IL26: variants seen among roughly 807,000 people sequenced by gnomAD.
IL26 encodes interleukin 26.
IL26 carries 23 observed loss-of-function variants against 21.7 expected under a neutral mutation model. That is an observed-to-expected ratio of 1.06 (90% CI 0.76 to 1.50). The LOEUF is 1.50. IL26 is among the 40% of genes most tolerant of loss of function. The probability of loss-of-function intolerance (pLI) is 0.00; values close to 1 mark genes in which losing one functional copy is unlikely to be tolerated. For synonymous variants in IL26, 63 were observed against 67.8 expected (o/e 0.93, Z 0.34); for missense variants, 204 against 196.0 (o/e 1.04, Z -0.24).
intron 3 of IL26, among the ~76,000 whole-genome samples, chr12:68,205,667 G>T (rs909526490): frequency 2.0e-5 from 3 of 152,014 alleles, no homozygotes; most frequent in Admixed American, 6.6e-5. Context: ...GGCAGGAGAG[G>T]CAGGCACTTG....
At chr12:68,202,794 G>A (rs983411876) in intron 3 of IL26, among the ~76,000 whole-genome samples, 34 of 152,162 alleles carry the variant, frequency 2.2e-4, no homozygotes, top group African/African-American at 8.2e-4. Flanking sequence ...ACAGAAATGG[G>A]AAGGCACAGG....
At chr12:68,216,258 T>G (rs1347667514) in intron 3 of IL26, among the ~76,000 whole-genome samples, 2 of 151,976 alleles carry the variant, frequency 1.3e-5, no homozygotes, top group Non-Finnish European at 1.5e-5. Context: ...ACCACTGCAC[T>G]CCAGCCTGAC....
At position 68,221,094 on chromosome 12, in the gene IL26, G is replaced by T. The variant is rs756423168; in HGVS notation, c.363+4055C>A. Among the ~76,000 whole-genome samples the T allele has an allele frequency of 1.4e-3, 208 of 152,212 alleles. 4 individuals carry two copies. Among genetic ancestry groups the T allele is most frequent in the Non-Finnish European group, 3.2e-4 (22 of 68,006 alleles). ...TCTTTATTTCCAGAAGTGGGAATTA[G>T]GAACAGAAACGAACACAACAGTCCT... On this transcript the variant is annotated intron_variant, in intron 3 of 4. Transcript: ENST00000229134.
intron 3 of IL26, among the ~76,000 whole-genome samples, chr12:68,211,860 G>A (rs2120444485): frequency 6.6e-6 from 1 of 151,902 alleles, no homozygotes; most frequent in Admixed American, 6.6e-5. Context: ...TCCTTTGCTG[G>A]GCAGAGGATT....
chr12:68,225,030 A>G, intron 3 of IL26, 119 bp downstream of exon 3: 6 of 987,328 alleles, frequency 6.1e-6, no homozygotes, highest in Non-Finnish European at 7.4e-6. Flanking sequence ...CATTTGGACT[A>G]CAAGCCAACA....
intron 3 of IL26, among the ~76,000 whole-genome samples, chr12:68,224,225 A>T (rs997459489): frequency 6.6e-6 from 1 of 152,098 alleles, no homozygotes; most frequent in Non-Finnish European, 1.5e-5. Context: ...GGGCACAGAA[A>T]AGCTTCAATA....
intron 3 of IL26, among the ~76,000 whole-genome samples, chr12:68,214,017 C>T (rs1255895820): frequency 6.6e-6 from 1 of 152,022 alleles, no homozygotes; most frequent in Non-Finnish European, 1.5e-5. Context: ...CTTAGGACTG[C>T]TTTTGCTGTA....
chr12:68,217,253 A>G (rs1868911238), intron 3 of IL26, among the ~76,000 whole-genome samples: 1 of 152,204 alleles, frequency 6.6e-6, no homozygotes, highest in Admixed American at 6.5e-5. Context: ...GTCTATCATG[A>G]TAATTTGTCA....
At chr12:68,223,305 A>C (rs940870421) in intron 3 of IL26, among the ~76,000 whole-genome samples, 1 of 152,146 alleles carries the variant, frequency 6.6e-6, no homozygotes, top group African/African-American at 2.4e-5. Context: ...ATGTGTTCGT[A>C]TTTGGCCACA....
chr12:68,207,769 A>T (rs1271044022), intron 3 of IL26, among the ~76,000 whole-genome samples: 1 of 152,162 alleles, frequency 6.6e-6, no homozygotes, highest in Non-Finnish European at 1.5e-5. Flanking sequence ...AAATGGCTCC[A>T]TATATGGTCT....
At chr12:68,216,129 A>C (rs1416962205) in intron 3 of IL26, among the ~76,000 whole-genome samples, 1 of 151,646 alleles carries the variant, frequency 6.6e-6, no homozygotes, top group African/African-American at 2.4e-5. Context: ...CATCTCTACT[A>C]AAATACAAAA....
At chr12:68,205,932 A>G (rs1868529887) in intron 3 of IL26, among the ~76,000 whole-genome samples, 2 of 152,184 alleles carry the variant, frequency 1.3e-5, no homozygotes, top group South Asian at 4.1e-4. Flanking sequence ...GCACTGGTTC[A>G]GAAACACTCA....
At chr12:68,223,077 A>C (rs1261578116) in intron 3 of IL26, among the ~76,000 whole-genome samples, 1 of 152,140 alleles carries the variant, frequency 6.6e-6, no homozygotes, top group African/African-American at 2.4e-5. Flanking sequence ...CATTATAGAC[A>C]CCAGGCCAGT....
chr12:68,208,100 C>T (rs1210348457), intron 3 of IL26, among the ~76,000 whole-genome samples: 1 of 152,114 alleles, frequency 6.6e-6, no homozygotes. Flanking sequence ...CACTTGAGGC[C>T]TCACAGTCTG....
chr12:68,208,747 C>T (rs1185008504), intron 3 of IL26, among the ~76,000 whole-genome samples: 2 of 152,058 alleles, frequency 1.3e-5, no homozygotes, highest in African/African-American at 2.4e-5. Flanking sequence ...GTGATCCACC[C>T]GCCTCTGCCT....
At chr12:68,218,318 A>G (rs1204176737) in intron 3 of IL26, among the ~76,000 whole-genome samples, 1 of 152,132 alleles carries the variant, frequency 6.6e-6, no homozygotes, top group Non-Finnish European at 1.5e-5. Context: ...AAAAGTTGCT[A>G]TAACTCTATT....
At chr12:68,203,971 G>T (rs761964898) in intron 3 of IL26, among the ~76,000 whole-genome samples, 55 of 152,156 alleles carry the variant, frequency 3.6e-4, no homozygotes, top group Non-Finnish European at 6.9e-4. Context: ...TGTTACATTT[G>T]CACCAAACTA....
In IL26 at chr12:68,223,522, C is replaced by CA. The variant is rs567310907; in HGVS notation, c.363+1626dup. On this transcript the variant is annotated intron_variant, in intron 3 of 4. Coordinates refer to ENST00000229134, the MANE Select transcript of IL26 (RefSeq NM_018402.2). The stretch of plus-strand genomic sequence containing the variant: ...TGTGTTCTCTAGCTATTTGGGTCAA[C>CA]AAAACCAAATTAGTAATGAAAACCT... Among the ~76,000 whole-genome samples, 5 of 152,264 alleles carry CA rather than the reference C, an allele frequency of 3.3e-5. No individual in the cohort carries two copies. In the East Asian group the frequency reaches 9.6e-4, roughly 29 times the overall value.
chr12:68,209,271 C>T (rs186646862), intron 3 of IL26, among the ~76,000 whole-genome samples: 176 of 152,278 alleles, frequency 1.2e-3, no homozygotes, highest in Non-Finnish European at 2.3e-3. Context: ...AACACGAGTA[C>T]GGAGGCTGCA....
Sources: gnomAD v4.1 joint callset for allele counts (sites outside exome capture counted in the v4.1 genomes callset) on GRCh38, gnomAD v4.1.1 for gene constraint, MANE v1.5 for transcripts, NCBI Gene and HGNC (gene_info 2026-07-23, HGNC 2026-07-21) for gene names.